The following DRD2 variants were observed in gnomAD, a reference collection of about 807,000 sequenced individuals.
DRD2 encodes dopamine receptor D2.
DRD2 carries 8 observed loss-of-function variants against 38.0 expected under a neutral mutation model. The ratio of observed to expected loss-of-function variants is 0.21; its 90% CI spans 0.12 to 0.38. DRD2 has a LOEUF of 0.38. DRD2 is among the 10% of genes least tolerant of loss of function. The probability of loss-of-function intolerance (pLI) is 1.00; values close to 1 mark genes in which losing one functional copy is unlikely to be tolerated. For synonymous variants in DRD2, 230 were observed against 238.6 expected, an observed-to-expected ratio of 0.96 and a Z score of 0.33; for missense variants, 403 against 607.7, an observed-to-expected ratio of 0.66 and a Z score of 3.54.
intron 1 of DRD2, among the ~76,000 whole-genome samples, chr11:113,463,021 T>C (rs1951337619): frequency 6.6e-6 from 1 of 152,132 alleles, no homozygotes; most frequent in Non-Finnish European, 1.5e-5. Flanking sequence ...AAGGAGCATA[T>C]GCACGTCACG....
At chr11:113,438,820 A>G (rs1421814640) in intron 1 of DRD2, among the ~76,000 whole-genome samples, 1 of 152,234 alleles carries the variant, frequency 6.6e-6, no homozygotes, top group African/African-American at 2.4e-5. Context: ...ATGAGATGTG[A>G]TAAGGCTTGG....
chr11:113,470,466 C>T (rs1475729804), intron 1 of DRD2, among the ~76,000 whole-genome samples: 1 of 152,168 alleles, frequency 6.6e-6, no homozygotes, highest in Non-Finnish European at 1.5e-5. Context: ...CCTGACTTCC[C>T]TTACCGCCCT....
At chr11:113,457,476 C>T (rs1477733721) in intron 1 of DRD2, among the ~76,000 whole-genome samples, 1 of 152,126 alleles carries the variant, frequency 6.6e-6, no homozygotes, top group Admixed American at 6.5e-5. Flanking sequence ...CTGCTTCCAC[C>T]GAGTTGAAAG....
chr11:113,458,583 A>G (rs1951288581), intron 1 of DRD2, among the ~76,000 whole-genome samples: 2 of 152,242 alleles, frequency 1.3e-5, no homozygotes, highest in Non-Finnish European at 2.9e-5. Flanking sequence ...GATCTGGGGG[A>G]AAAAATGCTG....
rs117411835 is a variant in DRD2 at position 113,453,697 on chromosome 11, G to A, written c.-32+21379C>T. On this transcript the variant is annotated intron_variant, in intron 1 of 7. Transcript: ENST00000362072. ...AAACAAGTCCACAGATGATTAACAC[G>A]TTCCATGACGGAGATGCCGGCACAC... Among the ~76,000 whole-genome samples, 298 of 152,328 alleles carry A rather than the reference G, an allele frequency of 2.0e-3. 5 individuals carry two copies. The East Asian group carries it at 0.047, about 24-fold the overall frequency.
rs9282672 is a variant in DRD2 at position 113,410,636 on chromosome 11, C to T, written c.*91G>A. ...GGGGTGAAGAGGAGGCCGATCCACC[C>T]AGGCCTTCCTGCTCACGGTTCGCAA... On this transcript the variant is annotated 3_prime_UTR_variant, in exon 8 of 8. Coordinates refer to ENST00000362072, the MANE Select transcript of DRD2 (RefSeq NM_000795.4). 972 of 1,540,040 alleles carry T rather than the reference C, an allele frequency of 6.3e-4. 8 individuals are homozygous for T. In the African/African-American group the frequency reaches 0.011, roughly 18 times the overall value.
At chr11:113,462,043 G>A (rs1444885463) in intron 1 of DRD2, among the ~76,000 whole-genome samples, 1 of 151,714 alleles carries the variant, frequency 6.6e-6, no homozygotes, top group Non-Finnish European at 1.5e-5. Context: ...CATTGTGCCA[G>A]CAGGTCAGTG....
chr11:113,464,297 G>A (rs890959979), intron 1 of DRD2, among the ~76,000 whole-genome samples: 3 of 152,076 alleles, frequency 2.0e-5, no homozygotes, highest in East Asian at 1.9e-4. Context: ...CACCACTTCC[G>A]CTGCGGCCCT....
At chr11:113,428,655 C>T (rs1208034434) in intron 1 of DRD2, among the ~76,000 whole-genome samples, 1 of 152,118 alleles carries the variant, frequency 6.6e-6, no homozygotes, top group Admixed American at 6.5e-5. Context: ...GACAGAATCC[C>T]ACTTTGCCAC....
chr11:113,474,805 G>C (rs534377884), intron 1 of DRD2, among the ~76,000 whole-genome samples: 5 of 151,966 alleles, frequency 3.3e-5, no homozygotes, highest in African/African-American at 1.2e-4. Flanking sequence ...CCCCAGCTGC[G>C]CCCGCTCGTG....
At chr11:113,444,305 G>A (rs546489678) in intron 1 of DRD2, among the ~76,000 whole-genome samples, 1 of 152,298 alleles carries the variant, frequency 6.6e-6, no homozygotes, top group East Asian at 1.9e-4. Context: ...CCAAAGTGCT[G>A]GGAGTATAGG....
intron 2 of DRD2, 88 bp from the exon 3 acceptor site, chr11:113,418,224 C>G: frequency 1.8e-6 from 2 of 1,103,136 alleles, no homozygotes; most frequent in South Asian, 2.6e-5. Context: ...GCCGATGAGG[C>G]CACAGACTCA....
intron 1 of DRD2, among the ~76,000 whole-genome samples, chr11:113,459,873 G>C (rs145041159): frequency 6.6e-6 from 1 of 152,306 alleles, no homozygotes; most frequent in Non-Finnish European, 1.5e-5. Context: ...GTGCATGCAC[G>C]TATCAAATTG....
rs756963706 is a variant in DRD2 at position 113,456,763 on chromosome 11, C to T, written c.-32+18313G>A. Among the ~76,000 whole-genome samples the T allele has an allele frequency of 1.3e-5, 2 of 152,176 alleles. 1 individual carries two copies. The highest frequency in any genetic ancestry group is 6.8e-3 in the Middle Eastern group (2 of 294). On this transcript the variant is annotated intron_variant, in intron 1 of 7. Coordinates refer to ENST00000362072, the MANE Select transcript of DRD2 (RefSeq NM_000795.4). ...TGCAGAGAGAGTAACATGGAGAATT[C>T]GTGTTGAATGAGTATAGAGCTTCAG...
At chr11:113,452,647 C>CTT (rs36152573) in intron 1 of DRD2, among the ~76,000 whole-genome samples, 4 of 138,170 alleles carry the variant, frequency 2.9e-5, no homozygotes, top group Admixed American at 7.2e-5. Flanking sequence ...CAGTCCCCAT[C>CTT]TTTTTTTTTT....
chr11:113,472,938 T>C (rs1951443980), intron 1 of DRD2, among the ~76,000 whole-genome samples: 1 of 152,108 alleles, frequency 6.6e-6, no homozygotes, highest in Non-Finnish European at 1.5e-5. Flanking sequence ...GGAGATTGGA[T>C]TGCATCCTTA....
chr11:113,441,971 C>T (rs1450420383), intron 1 of DRD2, among the ~76,000 whole-genome samples: 3 of 151,738 alleles, frequency 2.0e-5, no homozygotes, highest in African/African-American at 7.3e-5. Context: ...AAAGCTACAC[C>T]TCCACGCTTG....
chr11:113,419,833 G>A (rs1347250268), intron 2 of DRD2, among the ~76,000 whole-genome samples: 1 of 152,216 alleles, frequency 6.6e-6, no homozygotes, highest in Non-Finnish European at 1.5e-5. Flanking sequence ...GGGCAATGCA[G>A]CTGCTGTCAT....
rs942598094 is a variant in DRD2, at chr11:113,424,222, A to G, written c.285+145T>C. 52 of 817,532 alleles carry G rather than the reference A, an allele frequency of 6.4e-5. No homozygotes were observed. In the African/African-American group the frequency reaches 8.6e-4, roughly 14 times the overall value. 50.6% of individuals were successfully genotyped at this position (817,532 alleles called of 1,614,324 possible). A position where few individuals can be genotyped will look rare whatever the true frequency, so the allele number is the denominator to read the frequency against. ...ACAATCTACCCATTTCGTAAGGAGA[A>G]AAAGTAAGCCCAGAGTGAAGGAAAA... On this transcript the variant is annotated intron_variant, in intron 2 of 7. Coordinates refer to ENST00000362072, the MANE Select transcript of DRD2 (RefSeq NM_000795.4).
Sources: allele counts gnomAD v4.1 joint callset (sites outside exome capture counted in the v4.1 genomes callset), GRCh38; gene constraint gnomAD v4.1.1; transcripts MANE v1.5; gene names NCBI Gene and HGNC (gene_info 2026-07-23, HGNC 2026-07-21).